ARMC9: variants seen among roughly 807,000 people sequenced by gnomAD.
ARMC9 encodes lisH domain-containing protein ARMC9.
A neutral mutation model predicts 107.0 loss-of-function variants in ARMC9; 94 were observed. That is an observed-to-expected ratio of 0.88 (90% CI 0.74 to 1.04). ARMC9 has a LOEUF of 1.04. Ranked by LOEUF, ARMC9 falls within the 50% of genes least tolerant of loss-of-function variation. ARMC9 has a pLI of 0.00. For synonymous variants in ARMC9, 380 were observed against 396.9 expected (o/e 0.96, Z 0.51); for missense variants, 942 against 1,030.1 (o/e 0.91, Z 1.17).
intron 20 of ARMC9, among the ~76,000 whole-genome samples, chr2:231,340,479 A>C (rs1235289307): frequency 1.3e-5 from 2 of 152,220 alleles, no homozygotes; most frequent in African/African-American, 4.8e-5. Flanking sequence ...CTGATTATTC[A>C]CAAATACTCT....
intron 1 of ARMC9, among the ~76,000 whole-genome samples, chr2:231,203,452 C>T (rs2031411840): frequency 1.3e-5 from 2 of 152,220 alleles, no homozygotes; most frequent in Admixed American, 6.5e-5. Context: ...CCAAATGATG[C>T]TCATGGCTGG....
chr2:231,333,914 G>A (rs148674336), intron 20 of ARMC9, among the ~76,000 whole-genome samples: 1,740 of 152,320 alleles, frequency 0.011, 27 homozygotes, highest in Non-Finnish European at 0.012. Flanking sequence ...TGTTGATATG[G>A]TAAACATCTT....
At position 231,306,568 on chromosome 2, in the gene ARMC9, A is replaced by G. The variant is rs551199914; in HGVS notation, c.1773+10315A>G. Among the ~76,000 whole-genome samples, 89 of 152,340 alleles carry G rather than the reference A, an allele frequency of 5.8e-4. 1 individual carries two copies. Among genetic ancestry groups the G allele is most frequent in the African/African-American group, 2.0e-3 (83 of 41,580 alleles). On this transcript the variant is annotated intron_variant, in intron 19 of 24. Coordinates refer to ENST00000611582, the MANE Select transcript of ARMC9 (RefSeq NM_001352754.2). Reference sequence around the variant, plus strand: ...CTATAATGGAATTGTAATGAAACACAGCATGACAGATCCAACAAAGTGCAA... The same window carrying G: ...CTATAATGGAATTGTAATGAAACACGGCATGACAGATCCAACAAAGTGCAA...
At chr2:231,256,457 A>C (rs1249349591) in intron 9 of ARMC9, 129 bp from the exon 10 acceptor site, 543 of 1,230,202 alleles carry the variant, frequency 4.4e-4, no homozygotes, top group Non-Finnish European at 4.6e-4. Context: ...AAAAAAAAAA[A>C]CCAAAAAAAA....
chr2:231,267,637 T>G (rs752811475), intron 12 of ARMC9, among the ~76,000 whole-genome samples: 23 of 152,318 alleles, frequency 1.5e-4, no homozygotes, highest in Middle Eastern at 3.4e-3. Context: ...TTGAGAACAC[T>G]TCTGTGGGAG....
rs895600145 is a variant in ARMC9, at chr2:231,353,311, C to T, written c.1995-2487C>T. 1.6e-4 allele frequency among the ~76,000 whole-genome samples: 20 copies of T among 125,458 alleles called. 1 individual carries two copies. Among genetic ancestry groups the T allele is most frequent in the Admixed American group, 2.8e-4 (4 of 14,084 alleles). 82.3% of individuals were successfully genotyped at this position (125,458 alleles called of 152,430 possible). A position where few individuals can be genotyped will look rare whatever the true frequency, so the allele number is the denominator to read the frequency against. On this transcript the variant is annotated intron_variant, in intron 21 of 24. Coordinates refer to ENST00000611582, the MANE Select transcript of ARMC9 (RefSeq NM_001352754.2). The stretch of plus-strand genomic sequence containing the variant: ...ACGCCATTCTCCTGCCTCAGCTTCC[C>T]GAGTAGTTGGGACTACAGGCGCCTA...
chr2:231,355,710 C>T (rs1461588916), intron 21 of ARMC9, 88 bp from the exon 22 acceptor site: 3 of 1,411,290 alleles, frequency 2.1e-6, no homozygotes, highest in South Asian at 2.8e-5. Flanking sequence ...ACCGCCCCCT[C>T]CTGTATTTGT....
rs1245184479 is a variant in ARMC9, at chr2:231,374,584, C to A, written c.*3049C>A. ...TAAAAATAAAAATAAAATAGTTGAA[C>A]AAATAAGGTTCATGAAAAAAAAAGA... On this transcript the variant is annotated 3_prime_UTR_variant, in exon 25 of 25. Coordinates refer to ENST00000611582, the MANE Select transcript of ARMC9 (RefSeq NM_001352754.2). The A allele has an allele frequency of 6.8e-6, 1 of 147,332 alleles. No homozygotes were observed. The highest frequency in any genetic ancestry group is 2.5e-5 in the African/African-American group (1 of 39,746). The allele number at this position is 147,332 out of a possible 1,614,324, so 9.1% of individuals were successfully genotyped here.
Position 231,282,108 on chromosome 2 carries a change from C to T in ARMC9, c.1601C>T (p.Ser534Phe). The change falls in exon 17 of 25, where the codon TCC (serine) becomes TTC (phenylalanine). Residue 534 changes from serine (S) to phenylalanine (F), a missense_variant. Ser to Phe is a radical substitution (Grantham distance 155). Transcript: ENST00000611582. ...CTGTACAGCATCCTTTCTGTTCCAT[C>T]CATTCGTGAGGAAGCAAGAGCAATG... The part of the protein sequence containing the change: ...GALYSILSVP[S>F]IREEARAMGM... 6 of 1,614,142 alleles carry T rather than the reference C, an allele frequency of 3.7e-6. No homozygotes were observed. The highest frequency in any genetic ancestry group is 5.1e-6 in the Non-Finnish European group (6 of 1,180,000).
chr2:231,282,015 A>G, intron 16 of ARMC9, 44 bp from the exon 17 acceptor site: 1 of 1,570,826 alleles, frequency 6.4e-7, no homozygotes, highest in Non-Finnish European at 8.8e-7. Flanking sequence ...GTTGTGCAGT[A>G]TTTGAAAACT....
chr2:231,226,783 G>A lies in ARMC9; in HGVS notation c.607G>A (p.Gly203Arg), dbSNP rs915558405. ...TTCTTTTTCATCCCAGAAGGAGAAT[G>A]GACAAAGTAACAAAGGTAAATCATC... ...PKLLTIYKEN[G>R]QSNKEILQQL... Residue 203 changes from glycine (G) to arginine (R), a missense_variant, in exon 7 of 25, where the codon GGA becomes AGA. By Grantham distance (125) the Gly-to-Arg change is moderately radical. Transcript: ENST00000611582. 14 of 1,613,586 alleles carry A rather than the reference G, an allele frequency of 8.7e-6. No individual in the cohort carries two copies. Among genetic ancestry groups the A allele is most frequent in the Non-Finnish European group, 1.2e-5 (14 of 1,179,726 alleles).
At chr2:231,266,792 A>T (rs183991869) in intron 12 of ARMC9, among the ~76,000 whole-genome samples, 29 of 152,300 alleles carry the variant, frequency 1.9e-4, no homozygotes, top group Non-Finnish European at 3.2e-4. Context: ...TTTCCTTTTT[A>T]AGGCTAACAT....
intron 7 of ARMC9, among the ~76,000 whole-genome samples, chr2:231,231,121 G>C (rs147411489): frequency 6.6e-6 from 1 of 152,118 alleles, no homozygotes; most frequent in South Asian, 2.1e-4. Context: ...ATGAACTTCC[G>C]GGGGGAAGGG....
At chr2:231,334,045 C>T (rs1202994815) in intron 20 of ARMC9, among the ~76,000 whole-genome samples, 2 of 152,208 alleles carry the variant, frequency 1.3e-5, no homozygotes, top group African/African-American at 4.8e-5. Context: ...TTAATGGCAT[C>T]TGGAAATGGT....
At chr2:231,246,904 C>T (rs528410081) in intron 9 of ARMC9, among the ~76,000 whole-genome samples, 1 of 152,046 alleles carries the variant, frequency 6.6e-6, no homozygotes, top group East Asian at 1.9e-4. Flanking sequence ...GTGCTCCTCC[C>T]ACCTCAGTCT....
rs2046186649 is a variant in ARMC9, at chr2:231,376,046, A to G, written c.*4511A>G. On this transcript the variant is annotated 3_prime_UTR_variant, in exon 25 of 25. Transcript: ENST00000611582. Reference sequence around the variant, plus strand: ...AGTTGTGAATATTTCATGGACACTTATCACTTCCCCAGTCAATACCCTTGT... The same window carrying G: ...AGTTGTGAATATTTCATGGACACTTGTCACTTCCCCAGTCAATACCCTTGT... Among the ~76,000 whole-genome samples the G allele has an allele frequency of 3.3e-5, 5 of 152,364 alleles. No homozygotes were observed. The Middle Eastern group carries it at 0.017, about 518-fold the overall frequency.
intron 20 of ARMC9, among the ~76,000 whole-genome samples, chr2:231,341,829 A>C (rs955055448): frequency 6.6e-5 from 10 of 152,230 alleles, no homozygotes; most frequent in African/African-American, 2.2e-4. Flanking sequence ...ATTCAGCTAA[A>C]TAATATGCTC....
chr2:231,234,343 C>G (rs141555204), intron 7 of ARMC9, among the ~76,000 whole-genome samples: 3 of 152,160 alleles, frequency 2.0e-5, no homozygotes, highest in Non-Finnish European at 4.4e-5. Flanking sequence ...GCAAAGAATC[C>G]TAGAGCCTTC....
At position 231,239,986 on chromosome 2, in the gene ARMC9, G is replaced by A. The variant is rs544009293; in HGVS notation, c.824G>A (p.Ser275Asn). 1.4e-5 allele frequency: 22 copies of A among 1,614,002 alleles called. No individual in the cohort carries two copies. The East Asian group carries it at 1.6e-4, about 11-fold the overall frequency. Residue 275 changes from serine (S) to asparagine (N), a missense_variant, in exon 9 of 25, where the codon AGT becomes AAT. Ser to Asn is a conservative substitution (Grantham distance 46, BLOSUM62 1). Coordinates refer to ENST00000611582, the MANE Select transcript of ARMC9 (RefSeq NM_001352754.2). ...CAGAGCGTCTGTGTCCGCCTGTTCA[G>A]TAACCAGATGCGGCAGAGCCTGGCG... ...YLQSVCVRLF[S>N]NQMRQSLAHS...
Sources: gnomAD v4.1 joint callset for allele counts (sites outside exome capture counted in the v4.1 genomes callset) on GRCh38, gnomAD v4.1.1 for gene constraint, MANE v1.5 for transcripts, NCBI Gene and HGNC (gene_info 2026-07-23, HGNC 2026-07-21) for gene names.